BRD7: variants seen among roughly 807,000 people sequenced by gnomAD.
The protein encoded by BRD7 is bromodomain containing 7, also known as bromodomain-containing protein 7.
A neutral mutation model predicts 82.1 loss-of-function variants in BRD7; 15 were observed. That is an observed-to-expected ratio of 0.18 (90% CI 0.12 to 0.28). The LOEUF (loss-of-function observed/expected upper bound fraction) is 0.28, where lower values mean the gene tolerates loss of function less well. Among genes scored for constraint, BRD7 ranks in the 10% least tolerant of loss-of-function variants. The pLI is 1.00. For missense variants in BRD7, 638 were observed against 779.9 expected (o/e 0.82, Z 2.17); for synonymous variants, 232 against 266.9 (o/e 0.87, Z 1.27).
intron 2 of BRD7, among the ~76,000 whole-genome samples, chr16:50,362,811 T>C (rs1243065711): frequency 2.0e-5 from 3 of 152,212 alleles, no homozygotes; most frequent in Non-Finnish European, 4.4e-5. Context: ...GGGGAGTTTT[T>C]AATAGGTACG....
chr16:50,346,940 T>G (rs1354004310), intron 5 of BRD7, among the ~76,000 whole-genome samples: 1 of 152,180 alleles, frequency 6.6e-6, no homozygotes, highest in African/African-American at 2.4e-5. Context: ...TACCAAAGCC[T>G]GGTAGAGACA....
At position 50,354,879 on chromosome 16, in the gene BRD7, G is replaced by A; in HGVS notation, c.302C>T (p.Ala101Val). Residue 101 changes from alanine (A) to valine (V), a missense_variant, in exon 3 of 17, where the codon GCA becomes GTA. Transcript: ENST00000394688. The stretch of plus-strand genomic sequence containing the variant: ...GGCGTGACACTGGAGATCTTTTTCT[G>A]CCTCATTCTCCACCCGGTCTCGATC... ...KRDRDRVENE[A>V]EKDLQCHAPV... 6.2e-7 allele frequency: 1 copy of A among 1,613,654 alleles called. No homozygotes were observed. The highest frequency in any genetic ancestry group is 1.1e-5 in the South Asian group (1 of 91,042).
chr16:50,339,051 A>G (rs1156324261), intron 6 of BRD7, among the ~76,000 whole-genome samples: 1 of 152,230 alleles, frequency 6.6e-6, no homozygotes, highest in Non-Finnish European at 1.5e-5. Context: ...TGGGGACACT[A>G]GTAATTTTTT....
At chr16:50,345,483 A>G (rs1597070476) in intron 5 of BRD7, among the ~76,000 whole-genome samples, 2 of 152,020 alleles carry the variant, frequency 1.3e-5, no homozygotes, top group Admixed American at 6.6e-5. Flanking sequence ...CAAATTGGAT[A>G]AAGAGTCAAG....
At chr16:50,344,100 T>C (rs2038184531) in intron 5 of BRD7, among the ~76,000 whole-genome samples, 1 of 150,076 alleles carries the variant, frequency 6.7e-6, no homozygotes. Context: ...CATGTACCAT[T>C]CTGCAATATT....
chr16:50,329,613 C>A lies in BRD7; in HGVS notation c.1012-869G>T, dbSNP rs117164075. On this transcript the variant is annotated intron_variant, in intron 8 of 16. Coordinates refer to ENST00000394688, the MANE Select transcript of BRD7 (RefSeq NM_013263.5). ...AGATGCCTGTGCGTGAGTACAAGGACGCCCTGAAAACACTAGTGTATTTGG... is the reference window on the plus strand; with the variant it reads ...AGATGCCTGTGCGTGAGTACAAGGAAGCCCTGAAAACACTAGTGTATTTGG... Among the ~76,000 whole-genome samples the A allele has an allele frequency of 9.1e-4, 138 of 152,220 alleles. 1 individual carries two copies. Among genetic ancestry groups the A allele is most frequent in the African/African-American group, 3.2e-3 (134 of 41,530 alleles).
intron 12 of BRD7, 152 bp downstream of exon 12, chr16:50,323,435 G>A: frequency 3.3e-6 from 2 of 608,626 alleles, no homozygotes; most frequent in South Asian, 3.9e-5. Context: ...TCCGTTTATT[G>A]TCCACCCGTG....
chr16:50,338,314 G>A (rs984758213), intron 6 of BRD7, among the ~76,000 whole-genome samples: 2 of 152,200 alleles, frequency 1.3e-5, no homozygotes, highest in African/African-American at 4.8e-5. Flanking sequence ...TTAGGAAAGG[G>A]TGGGAACCAA....
At chr16:50,329,826 C>T (rs1373282518) in intron 8 of BRD7, among the ~76,000 whole-genome samples, 1 of 152,182 alleles carries the variant, frequency 6.6e-6, no homozygotes, top group Non-Finnish European at 1.5e-5. Context: ...AAAAAGAGCT[C>T]TATATTCAAA....
chr16:50,354,338 G>T, intron 4 of BRD7, 87 bp downstream of exon 4: 1 of 1,132,808 alleles, frequency 8.8e-7, no homozygotes, highest in Non-Finnish European at 1.3e-6. Context: ...AATCACGTAT[G>T]TTTGGAGTTA....
At chr16:50,324,057 A>G (rs950024659) in intron 11 of BRD7, among the ~76,000 whole-genome samples, 3 of 152,136 alleles carry the variant, frequency 2.0e-5, no homozygotes, top group Non-Finnish European at 4.4e-5. Flanking sequence ...AGTTTGGACC[A>G]CACCCTTTGG....
intron 2 of BRD7, among the ~76,000 whole-genome samples, chr16:50,365,826 G>A (rs1473229030): frequency 6.6e-6 from 1 of 151,666 alleles, no homozygotes; most frequent in Admixed American, 6.6e-5. Context: ...TAGAGGATCA[G>A]TTCAGGAGTC....
chr16:50,348,967 T>C (rs2038403041), intron 5 of BRD7: 1 of 152,444 alleles, frequency 6.6e-6, no homozygotes, highest in South Asian at 2.1e-4. Flanking sequence ...GTATGTTTAT[T>C]GTGGCACTAT....
At chr16:50,365,740 G>A (rs745373798) in intron 2 of BRD7, among the ~76,000 whole-genome samples, 52 of 152,070 alleles carry the variant, frequency 3.4e-4, no homozygotes, top group Admixed American at 1.8e-3. Context: ...AGAAATTTTA[G>A]GGATGTTCCC....
At chr16:50,327,519 G>C (rs1025673885) in intron 9 of BRD7, among the ~76,000 whole-genome samples, 28 of 152,330 alleles carry the variant, frequency 1.8e-4, no homozygotes, top group East Asian at 3.9e-4. Context: ...TTTGAAAACA[G>C]CACTAGCTCC....
At chr16:50,334,935 T>A (rs1470157313) in intron 6 of BRD7, 40 bp from the exon 7 acceptor site, 1 of 1,585,724 alleles carries the variant, frequency 6.3e-7, no homozygotes, top group Admixed American at 1.8e-5. Flanking sequence ...ATGTTTGTCA[T>A]TAACTTTTAA....
chr16:50,353,662 C>T (rs1335488848), intron 4 of BRD7, among the ~76,000 whole-genome samples: 2 of 151,840 alleles, frequency 1.3e-5, no homozygotes, highest in Non-Finnish European at 2.9e-5. Context: ...GGTGCAATCT[C>T]GGCTCACTGC....
Position 50,318,114 on chromosome 16 carries a change from T to C in BRD7, c.*1097A>G, listed in dbSNP as rs2036899478. The C allele has an allele frequency of 6.6e-6, 1 of 152,310 alleles. No homozygotes were observed. Among genetic ancestry groups the C allele is most frequent in the Non-Finnish European group, 1.5e-5 (1 of 68,034 alleles). The allele number at this position is 152,310 out of a possible 1,614,324, so 9.4% of individuals were successfully genotyped here. Reference sequence around the variant, plus strand: ...GTTTAGCTGCTTTTTATACATTAAATTAGCAATTTGAAAAACTCAAATATC... The same window carrying C: ...GTTTAGCTGCTTTTTATACATTAAACTAGCAATTTGAAAAACTCAAATATC... On this transcript the variant is annotated 3_prime_UTR_variant, in exon 17 of 17. Transcript: ENST00000394688.
rs754313227 is a variant in BRD7 at position 50,368,270 on chromosome 16, G to A, written c.78C>T (p.Val26=). ...EEYVEKPLKL[V]LKVGGNEVTE... ...TGACTTCGTTCCCTCCTACTTTGAG[G>A]ACCAGCTTCAAGGGCTTCTCTACAT... The change falls in exon 2 of 17, where the codon GTC becomes GTT. Residue 26 remains valine (V), a synonymous_variant. Transcript: ENST00000394688. 3.1e-6 allele frequency: 5 copies of A among 1,614,162 alleles called. No homozygotes were observed. Among genetic ancestry groups the A allele is most frequent in the South Asian group, 2.2e-5 (2 of 91,078 alleles).
Sources: allele counts gnomAD v4.1 joint callset (sites outside exome capture counted in the v4.1 genomes callset), GRCh38; gene constraint gnomAD v4.1.1; transcripts MANE v1.5; gene names NCBI Gene and HGNC (gene_info 2026-07-23, HGNC 2026-07-21).